The following RNF19B variants were observed in gnomAD, a reference collection of about 807,000 sequenced individuals.
RNF19B encodes ring finger protein 19B, also known as E3 ubiquitin-protein ligase RNF19B.
A neutral mutation model predicts 65.5 loss-of-function variants in RNF19B; 23 were observed. The observed-to-expected ratio is 0.35, with a 90% CI of 0.25 to 0.50. RNF19B has a LOEUF of 0.50. Among genes scored for constraint, RNF19B ranks in the 20% least tolerant of loss-of-function variants. RNF19B has a pLI of 0.98. For synonymous variants in RNF19B, 372 were observed against 379.6 expected (o/e 0.98, Z 0.23); for missense variants, 794 against 980.0 (o/e 0.81, Z 2.53).
intron 1 of RNF19B, among the ~76,000 whole-genome samples, chr1:32,959,853 C>G (rs963222048): frequency 1.4e-5 from 2 of 143,888 alleles, no homozygotes; most frequent in African/African-American, 5.2e-5. Context: ...CTAGCTAACA[C>G]GGTGAAACCC....
chr1:32,942,514 T>C, intron 6 of RNF19B, 55 bp from the exon 7 acceptor site: 2 of 1,491,030 alleles, frequency 1.3e-6, no homozygotes, highest in Non-Finnish European at 1.9e-6. Context: ...AAACAGTCAG[T>C]AGGCATTTTC....
At chr1:32,954,594 C>G (rs376251653) in intron 1 of RNF19B, among the ~76,000 whole-genome samples, 4 of 151,778 alleles carry the variant, frequency 2.6e-5, no homozygotes, top group African/African-American at 9.7e-5. Flanking sequence ...CAAAAATTAG[C>G]CAGGCATGGT....
chr1:32,963,586 C>T (rs1000123025), intron 1 of RNF19B, among the ~76,000 whole-genome samples: 1 of 151,840 alleles, frequency 6.6e-6, no homozygotes, highest in Non-Finnish European at 1.5e-5. Context: ...GGTGTGGTGG[C>T]GGGCGCCTGT....
At chr1:32,935,020 C>CG (rs1443502301), downstream of RNF19B, among the ~76,000 whole-genome samples, 2 of 151,234 alleles carry the variant, frequency 1.3e-5, no homozygotes, top group African/African-American at 2.4e-5. Context: ...TTAGTAGAGA[C>CG]GGGGTTTCAC....
rs1642109561 is a variant in RNF19B, at chr1:32,936,750, AT to A, written c.*55del. The A allele has an allele frequency of 2.8e-6, 4 of 1,417,072 alleles. No homozygotes were observed. The highest frequency in any genetic ancestry group is 3.7e-6 in the Non-Finnish European group (4 of 1,071,948). The allele number at this position is 1,417,072 out of a possible 1,614,324, so 87.8% of individuals were successfully genotyped here. On this transcript the variant is annotated 3_prime_UTR_variant, in exon 9 of 9. Coordinates refer to ENST00000235150, the MANE Select transcript of RNF19B (RefSeq NM_001300826.2). ...ACCCCTTGGAAAAAAAAAAAAAAAA[AT>A]TCCAAAAGATGCAGTTACAAGTGTG...
intron 1 of RNF19B, among the ~76,000 whole-genome samples, chr1:32,953,122 T>G (rs1417957368): frequency 6.6e-6 from 1 of 151,026 alleles, no homozygotes; most frequent in Non-Finnish European, 1.5e-5. Context: ...CCCAGCTAAC[T>G]TTTTCTTTTT....
Position 32,949,802 on chromosome 1 carries a change from A to G in RNF19B, c.636-28T>C, listed in dbSNP as rs370393339. Reference sequence around the variant, plus strand: ...AGGTAAGGAAACAGTAAGAGATACCAGTAAGGTAAGAATGATCTAACCAAA... The same window carrying G: ...AGGTAAGGAAACAGTAAGAGATACCGGTAAGGTAAGAATGATCTAACCAAA... On this transcript the variant is annotated intron_variant, in intron 1 of 8. Transcript: ENST00000235150. The G allele has an allele frequency of 3.2e-6, 5 of 1,559,616 alleles. No homozygotes were observed. The East Asian group carries it at 6.7e-5, about 21-fold the overall frequency.
Position 32,938,482 on chromosome 1 carries a change from T to C in RNF19B, c.1657A>G (p.Thr553Ala). The C allele has an allele frequency of 6.2e-7, 1 of 1,614,210 alleles. No individual in the cohort carries two copies. Among genetic ancestry groups the C allele is most frequent in the Non-Finnish European group, 8.5e-7 (1 of 1,180,018 alleles). Reference sequence around the variant, plus strand: ...TCACTAATTGCACCAAGACTGGCTGTGTCTTTGGGGAAAATTTCCTTTTGG... The same window carrying C: ...TCACTAATTGCACCAAGACTGGCTGCGTCTTTGGGGAAAATTTCCTTTTGG... ...DVQKEIFPKD[T>A]ASLGAISDNA... The change falls in exon 8 of 9, where the codon ACA (threonine) becomes GCA (alanine). Residue 553 changes from threonine (T) to alanine (A), a missense_variant. Transcript: ENST00000235150.
At chr1:32,938,218 G>A in intron 8 of RNF19B, 179 bp downstream of exon 8, 3 of 401,946 alleles carry the variant, frequency 7.5e-6, no homozygotes, top group South Asian at 5.2e-5. Flanking sequence ...GCGCTAACAA[G>A]AAGAATCAAG....
At chr1:32,951,135 C>T (rs1176739773) in intron 1 of RNF19B, among the ~76,000 whole-genome samples, 1 of 152,200 alleles carries the variant, frequency 6.6e-6, no homozygotes, top group African/African-American at 2.4e-5. Context: ...CTGCACTCAG[C>T]CTTTTTCATT....
rs1337679972 is a variant in RNF19B at position 32,964,260 on chromosome 1, G to A, written c.426C>T (p.Cys142=). 2 of 1,541,054 alleles carry A rather than the reference G, an allele frequency of 1.3e-6. No homozygotes were observed. Among genetic ancestry groups the A allele is most frequent in the South Asian group, 2.4e-5 (2 of 83,362 alleles). The part of the protein sequence containing the change: ...PRLLSCPHRS[C]RDCLRHYLRL... Reference sequence around the variant, plus strand: ...GCAGGTAGTGGCGGAGGCAGTCCCGGCACGAGCGGTGCGGACAGCTGAGGA... The same window carrying A: ...GCAGGTAGTGGCGGAGGCAGTCCCGACACGAGCGGTGCGGACAGCTGAGGA... The change falls in exon 1 of 9, where the codon TGC becomes TGT. Residue 142 remains cysteine (C), a synonymous_variant. Transcript: ENST00000235150. This position sits in a 1 kb window ranked among gnomAD's most constrained non-coding sequence, Gnocchi z 6.5.
intron 1 of RNF19B, among the ~76,000 whole-genome samples, chr1:32,953,434 T>C (rs746450167): frequency 1.3e-5 from 2 of 152,170 alleles, no homozygotes; most frequent in Non-Finnish European, 2.9e-5. Flanking sequence ...AGTTTGCTTG[T>C]TTATTTGAAT....
downstream of RNF19B, among the ~76,000 whole-genome samples, chr1:32,933,502 G>A (rs567756247): frequency 1.3e-5 from 2 of 152,158 alleles, no homozygotes; most frequent in African/African-American, 4.8e-5. Flanking sequence ...TGAGCCGCCC[G>A]CCTCAGCCTC....
chr1:32,934,925 C>T (rs1343023649), downstream of RNF19B, among the ~76,000 whole-genome samples: 1 of 151,984 alleles, frequency 6.6e-6, no homozygotes, highest in African/African-American at 2.4e-5. Flanking sequence ...ATCCGCCTCC[C>T]GAGTTCAAGT....
At chr1:32,935,079 CT>C (rs1480034955), downstream of RNF19B, among the ~76,000 whole-genome samples, 4 of 151,960 alleles carry the variant, frequency 2.6e-5, no homozygotes, top group Non-Finnish European at 5.9e-5. Flanking sequence ...ATTCACCCGC[CT>C]TGGCCTCCCA....
In RNF19B at chr1:32,955,541, G is replaced by C. The variant is rs1261296686; in HGVS notation, c.636-5767C>G. 3.3e-5 allele frequency among the ~76,000 whole-genome samples: 5 copies of C among 149,472 alleles called. 1 individual carries two copies. Among genetic ancestry groups the C allele is most frequent in the Non-Finnish European group, 7.5e-5 (5 of 66,438 alleles). On this transcript the variant is annotated intron_variant, in intron 1 of 8. Coordinates refer to ENST00000235150, the MANE Select transcript of RNF19B (RefSeq NM_001300826.2). ...GCTCAGGAGTTCGAGACCAGTCTGGGCAACATGGCAAAACCCCATCTCTAC... is the reference window on the plus strand; with the variant it reads ...GCTCAGGAGTTCGAGACCAGTCTGGCCAACATGGCAAAACCCCATCTCTAC...
At chr1:32,952,455 AAAAAC>A (rs1358207693) in intron 1 of RNF19B, among the ~76,000 whole-genome samples, 3 of 136,026 alleles carry the variant, frequency 2.2e-5, no homozygotes, top group Admixed American at 1.5e-4. Flanking sequence ...AAAAAAAAAA[AAAAAC>A]AGCCTGGCGT....
At chr1:32,951,605 A>C (rs1426876295) in intron 1 of RNF19B, among the ~76,000 whole-genome samples, 6 of 152,212 alleles carry the variant, frequency 3.9e-5, no homozygotes, top group Admixed American at 3.3e-4. Context: ...GACCATAGTC[A>C]CAGAGACAAT....
chr1:32,953,430 CTTGT>C (rs1347581236), intron 1 of RNF19B, among the ~76,000 whole-genome samples: 3 of 152,172 alleles, frequency 2.0e-5, no homozygotes, highest in African/African-American at 7.2e-5. Flanking sequence ...CTACAGTTTG[CTTGT>C]TTATTTGAAT....
Sources: allele counts gnomAD v4.1 joint callset (sites outside exome capture counted in the v4.1 genomes callset), GRCh38; gene constraint gnomAD v4.1.1; non-coding constraint Gnocchi (gnomAD v3.1); transcripts MANE v1.5; gene names NCBI Gene and HGNC (gene_info 2026-07-23, HGNC 2026-07-21).